Variants in IHO1 observed in about 807,000 individuals in gnomAD.
The protein encoded by IHO1 is interactor of HORMAD1 protein 1.
In IHO1, 13 loss-of-function variants were observed where a neutral mutation model predicts 31.0. That is an observed-to-expected ratio of 0.42 (90% CI 0.27 to 0.67). IHO1 has a LOEUF of 0.67. Ranked by LOEUF, IHO1 falls within the 30% of genes least tolerant of loss-of-function variation. IHO1 has a pLI of 0.24. For missense variants in IHO1, 599 were observed against 687.5 expected, an observed-to-expected ratio of 0.87 and a Z score of 1.44; for synonymous variants, 221 against 248.4, an observed-to-expected ratio of 0.89 and a Z score of 1.04.
chr3:49,193,684 C>CCAGGGG (rs1559432153), upstream of IHO1, among the ~76,000 whole-genome samples: 1 of 109,594 alleles, frequency 9.1e-6, no homozygotes, highest in Non-Finnish European at 1.8e-5. Context: ...AAAAAAAAGG[C>CCAGGGG]CAGGTGCAGT....
chr3:49,221,502 C>T (rs1197237015), intron 2 of IHO1, among the ~76,000 whole-genome samples: 3 of 152,218 alleles, frequency 2.0e-5, no homozygotes, highest in Admixed American at 2.0e-4. Context: ...CAGCTGGATT[C>T]ACCTCTCAAT....
chr3:49,241,582 G>C (rs993916389), intron 4 of IHO1, among the ~76,000 whole-genome samples, 193 bp downstream of exon 4: 4 of 151,084 alleles, frequency 2.6e-5, no homozygotes, highest in African/African-American at 9.7e-5. Flanking sequence ...CAGACACACA[G>C]AGAAAGAGGG....
chr3:49,237,633 C>A (rs1325965485), intron 3 of IHO1, among the ~76,000 whole-genome samples: 1 of 151,594 alleles, frequency 6.6e-6, no homozygotes, highest in Non-Finnish European at 1.5e-5. Flanking sequence ...TAAGGCTAGT[C>A]ATACTATTGT....
In IHO1 at chr3:49,257,093, ACT is replaced by A. The variant is rs750592889; in HGVS notation, c.1599_1600del (p.Leu534AlafsTer28). ...NKTVRAVQGRLLQLSRCSSQD... is the reference protein window; with the variant it reads ...NKTVRAVQGRXLQLSRCSSQD... ...AGACAGTAAGGGCAGTGCAGGGAAGACTCTTGCAGCTCAGCAGGTGCTCTTCC... is the reference window on the plus strand; with the variant it reads ...AGACAGTAAGGGCAGTGCAGGGAAGACTTGCAGCTCAGCAGGTGCTCTTCC... On this transcript the variant is annotated frameshift_variant, in exon 8 of 8. Coordinates refer to ENST00000452691, the MANE Select transcript of IHO1 (RefSeq NM_001135197.2). LOFTEE classifies it low-confidence loss of function (END_TRUNC). 4.3e-6 allele frequency: 7 copies of A among 1,613,962 alleles called. No homozygotes were observed. Among genetic ancestry groups the A allele is most frequent in the Middle Eastern group, 1.6e-4 (1 of 6,062 alleles).
the IHO1 span, among the ~76,000 whole-genome samples, chr3:49,192,898 A>G: frequency 4.9e-4 from 74 of 152,210 alleles, no homozygotes; most frequent in African/African-American, 1.7e-3. Flanking sequence ...CCCCATCTCA[A>G]TAAATGAATG....
intron 2 of IHO1, among the ~76,000 whole-genome samples, chr3:49,230,362 T>G (rs1370048600): frequency 6.6e-6 from 1 of 152,184 alleles, no homozygotes. Flanking sequence ...CCTTTAATAG[T>G]CATAGATTTA....
chr3:49,192,016 T>C, the IHO1 span, among the ~76,000 whole-genome samples: 2 of 152,174 alleles, frequency 1.3e-5, no homozygotes. Flanking sequence ...AGCCCTTATA[T>C]ATAGAAACAC....
chr3:49,255,562 T>A, intron 7 of IHO1, 69 bp downstream of exon 7: 1 of 709,878 alleles, frequency 1.4e-6, no homozygotes, highest in Non-Finnish European at 2.1e-6. Flanking sequence ...GAGAAACTTT[T>A]TTTTTTTTTT....
At position 49,240,343 on chromosome 3, in the gene IHO1, C is replaced by T. The variant is rs547620969; in HGVS notation, c.232-883C>T. Among the ~76,000 whole-genome samples the T allele has an allele frequency of 2.8e-4, 42 of 152,348 alleles. No homozygotes were observed. In the South Asian group the frequency reaches 7.7e-3, roughly 28 times the overall value. The stretch of plus-strand genomic sequence containing the variant: ...TGTTAAAGCAATTCTCCTGCCTCAG[C>T]CTCCTGAGTAGTTGGGATTACAGGC... On this transcript the variant is annotated intron_variant, in intron 3 of 7. Coordinates refer to ENST00000452691, the MANE Select transcript of IHO1 (RefSeq NM_001135197.2).
chr3:49,244,536 G>A, intron 5 of IHO1, 84 bp downstream of exon 5: 22 of 1,293,170 alleles, frequency 1.7e-5, no homozygotes, highest in Non-Finnish European at 2.3e-5. Context: ...TTTAGTTAAT[G>A]TAGAATAGCA....
At chr3:49,229,651 G>A (rs192758751) in intron 2 of IHO1, among the ~76,000 whole-genome samples, 3 of 152,266 alleles carry the variant, frequency 2.0e-5, no homozygotes, top group African/African-American at 7.2e-5. Context: ...GAAATTTAAA[G>A]GTTTAGTAGA....
intron 1 of IHO1, 64 bp downstream of exon 1, chr3:49,199,637 C>G: frequency 6.6e-6 from 1 of 152,258 alleles, no homozygotes; most frequent in Non-Finnish European, 1.5e-5. Context: ...GCTGAGGAGC[C>G]GGATGGGGCC....
intron 1 of IHO1, among the ~76,000 whole-genome samples, chr3:49,202,656 G>A (rs1341207846): frequency 3.0e-4 from 46 of 151,708 alleles, no homozygotes; most frequent in African/African-American, 1.0e-3. Context: ...GATTACAGGC[G>A]TGAACCACCG....
chr3:49,254,994 G>A (rs1343907104), intron 6 of IHO1, among the ~76,000 whole-genome samples: 1 of 151,856 alleles, frequency 6.6e-6, no homozygotes, highest in Non-Finnish European at 1.5e-5. Flanking sequence ...ACCTAGGAGG[G>A]GGAAGTTGCA....
At chr3:49,232,936 G>C (rs1228148483) in intron 2 of IHO1, among the ~76,000 whole-genome samples, 1 of 152,138 alleles carries the variant, frequency 6.6e-6, no homozygotes, top group Non-Finnish European at 1.5e-5. Context: ...TCTGGTCTCA[G>C]TATTTACCAT....
In IHO1 at chr3:49,241,379, A is replaced by C. The variant is rs1374248059; in HGVS notation, c.385A>C (p.Lys129Gln). ...FEEKKKRAKD[K>Q]CDSETLYNFV... ...GGAGAAAAAGAAAAGGGCAAAAGAC[A>C]AATGTGACAGGTATGTAAACCTTTC... The change falls in exon 4 of 8, where the codon AAA (lysine) becomes CAA (glutamine). Residue 129 changes from lysine (K) to glutamine (Q), a missense_variant. Lys to Gln is a moderately conservative substitution (Grantham distance 53, BLOSUM62 1). Coordinates refer to ENST00000452691, the MANE Select transcript of IHO1 (RefSeq NM_001135197.2). 1.2e-6 allele frequency: 2 copies of C among 1,609,792 alleles called. No individual in the cohort carries two copies. Among genetic ancestry groups the C allele is most frequent in the Non-Finnish European group, 1.7e-6 (2 of 1,178,450 alleles).
chr3:49,237,956 A>G (rs2046580598), intron 3 of IHO1, among the ~76,000 whole-genome samples: 1 of 117,942 alleles, frequency 8.5e-6, no homozygotes, highest in Non-Finnish European at 1.6e-5. Context: ...GCCGAGGTCC[A>G]GTGGCATGAT....
intron 4 of IHO1, among the ~76,000 whole-genome samples, chr3:49,242,246 C>G (rs1373893880): frequency 6.6e-6 from 1 of 152,056 alleles, no homozygotes; most frequent in Non-Finnish European, 1.5e-5. Context: ...GTCTTCCCAC[C>G]TTAGCTTCCC....
chr3:49,239,290 T>C (rs1428037602), intron 3 of IHO1, among the ~76,000 whole-genome samples: 1 of 68,482 alleles, frequency 1.5e-5, no homozygotes, highest in African/African-American at 4.2e-5. Context: ...CTAATTTTTT[T>C]CTTTTTTTTT....
Sources: gnomAD v4.1 joint callset for allele counts (sites outside exome capture counted in the v4.1 genomes callset) on GRCh38, gnomAD v4.1.1 for gene constraint, MANE v1.5 for transcripts, NCBI Gene and HGNC (gene_info 2026-07-23, HGNC 2026-07-21) for gene names.